The following STRN3 variants were observed in gnomAD, a reference collection of about 807,000 sequenced individuals.
STRN3 encodes the protein striatin 3, also known as striatin-3.
Under a neutral mutation model 95.6 loss-of-function variants are expected in STRN3, and 29 were observed. The ratio of observed to expected loss-of-function variants is 0.30; its 90% confidence interval spans 0.23 to 0.41. The LOEUF is 0.41. Ranked by LOEUF, STRN3 falls within the 10% of genes least tolerant of loss-of-function variation. STRN3 has a pLI of 1.00. For missense variants in STRN3, 890 were observed against 972.1 expected (o/e 0.92, Z 1.12); for synonymous variants, 331 against 357.6 (o/e 0.93, Z 0.84).
intron 1 of STRN3, among the ~76,000 whole-genome samples, chr14:30,971,806 C>G (rs1441712227): frequency 6.6e-6 from 1 of 152,068 alleles, no homozygotes; most frequent in Admixed American, 6.6e-5. Context: ...GGAATAATAG[C>G]CTCAATTCTT....
intron 5 of STRN3, among the ~76,000 whole-genome samples, chr14:30,940,068 A>G (rs1469551564): frequency 1.3e-5 from 2 of 151,844 alleles, no homozygotes; most frequent in African/African-American, 4.8e-5. Context: ...GGATGTTACC[A>G]CTATTCTCCT....
At chr14:30,952,512 A>C (rs1879696425) in intron 3 of STRN3, among the ~76,000 whole-genome samples, 2 of 152,002 alleles carry the variant, frequency 1.3e-5, no homozygotes, top group Admixed American at 1.3e-4. Context: ...CCAGCCTGGG[A>C]AACATGTCAA....
chr14:30,965,784 A>C (rs1389416350), intron 1 of STRN3, among the ~76,000 whole-genome samples: 1 of 151,886 alleles, frequency 6.6e-6, no homozygotes, highest in Non-Finnish European at 1.5e-5. Flanking sequence ...AAAAAAAAAA[A>C]AAAAACAACA....
At chr14:31,010,657 T>A (rs1882928963) in intron 1 of STRN3, among the ~76,000 whole-genome samples, 1 of 152,082 alleles carries the variant, frequency 6.6e-6, no homozygotes, top group South Asian at 2.1e-4. Context: ...CATTGCATAG[T>A]CATTAAACAT....
At chr14:30,906,424 A>G (rs1321416707) in intron 14 of STRN3, among the ~76,000 whole-genome samples, 1 of 152,240 alleles carries the variant, frequency 6.6e-6, no homozygotes, top group East Asian at 1.9e-4. Flanking sequence ...AAATATTTAA[A>G]ATCATGAAAA....
intron 5 of STRN3, among the ~76,000 whole-genome samples, chr14:30,942,265 C>T (rs1292166736): frequency 1.3e-5 from 2 of 151,998 alleles, no homozygotes; most frequent in East Asian, 3.9e-4. Context: ...CTTCACTGTC[C>T]TTTAGCAAAA....
chr14:30,898,252 C>T (rs1896210264), intron 16 of STRN3, among the ~76,000 whole-genome samples: 1 of 152,164 alleles, frequency 6.6e-6, no homozygotes, highest in Admixed American at 6.5e-5. Flanking sequence ...GCTGGGTTTA[C>T]AGGCATGACC....
chr14:30,955,790 G>A, intron 2 of STRN3, 97 bp from the exon 3 acceptor site: 2 of 1,004,614 alleles, frequency 2.0e-6, no homozygotes, highest in South Asian at 1.8e-5. Flanking sequence ...ATGAATGTCT[G>A]CTTCTTTAAA....
intron 1 of STRN3, among the ~76,000 whole-genome samples, chr14:30,961,769 A>AT (rs912600886): frequency 9.2e-5 from 14 of 152,286 alleles, no homozygotes; most frequent in Middle Eastern, 3.4e-3. Flanking sequence ...AGCCAGGCTA[A>AT]TTTTTTAAAA....
At chr14:30,996,476 CT>C (rs1882202278) in intron 1 of STRN3, among the ~76,000 whole-genome samples, 1 of 152,134 alleles carries the variant, frequency 6.6e-6, no homozygotes, top group Non-Finnish European at 1.5e-5. Flanking sequence ...TTTGTTGTTA[CT>C]GTTTTACGAC....
At chr14:30,911,393 C>T (rs1896605339) in intron 12 of STRN3, among the ~76,000 whole-genome samples, 1 of 151,344 alleles carries the variant, frequency 6.6e-6, no homozygotes, top group South Asian at 2.1e-4. Flanking sequence ...CCTCCACCTC[C>T]CAGGTTCGAG....
intron 1 of STRN3, chr14:31,018,687 T>C (rs1883360361): frequency 6.5e-6 from 3 of 460,224 alleles, no homozygotes; most frequent in South Asian, 1.7e-5. Flanking sequence ...GGTGGTTTAA[T>C]TGAGCTTGTT....
At chr14:30,947,820 G>C (rs531480581) in intron 4 of STRN3, among the ~76,000 whole-genome samples, 1 of 152,038 alleles carries the variant, frequency 6.6e-6, no homozygotes, top group Non-Finnish European at 1.5e-5. Flanking sequence ...CTAAACTAAG[G>C]AACTTAACCT....
At chr14:30,991,063 A>G (rs574168638) in intron 1 of STRN3, among the ~76,000 whole-genome samples, 1 of 152,360 alleles carries the variant, frequency 6.6e-6, no homozygotes, top group Admixed American at 6.5e-5. Flanking sequence ...AAGAGAAGAT[A>G]CAGTCTAATC....
At chr14:30,919,302 GGAGA>G (rs745610046) in intron 8 of STRN3, among the ~76,000 whole-genome samples, 196 bp from the exon 9 acceptor site, 4 of 151,466 alleles carry the variant, frequency 2.6e-5, no homozygotes, top group Non-Finnish European at 5.9e-5. Flanking sequence ...CTATTTCTGT[GGAGA>G]GAGAGATATA....
intron 1 of STRN3, among the ~76,000 whole-genome samples, chr14:30,957,422 C>T (rs1225984172): frequency 7.2e-6 from 1 of 139,478 alleles, no homozygotes; most frequent in Admixed American, 7.8e-5. Flanking sequence ...CACTGCACTC[C>T]AGCCTAGGCG....
intron 5 of STRN3, among the ~76,000 whole-genome samples, chr14:30,939,077 C>A (rs1170898308): frequency 6.6e-6 from 1 of 152,124 alleles, no homozygotes; most frequent in South Asian, 2.1e-4. Flanking sequence ...GCCCAAGTCC[C>A]ACAAGGGTGG....
chr14:30,998,874 G>A (rs190944692), intron 1 of STRN3, among the ~76,000 whole-genome samples: 1 of 152,312 alleles, frequency 6.6e-6, no homozygotes, highest in Admixed American at 6.5e-5. Flanking sequence ...TCAGGAGGCT[G>A]AGGCAAGAGG....
At chr14:30,967,492 C>T (rs144322687) in intron 1 of STRN3, among the ~76,000 whole-genome samples, 2,493 of 152,266 alleles carry the variant, frequency 0.016, 131 homozygotes, top group Admixed American at 0.1. Flanking sequence ...ACTCCAATAC[C>T]ATCTCGCTGT....
Sources: allele counts gnomAD v4.1 joint callset (sites outside exome capture counted in the v4.1 genomes callset), GRCh38; gene constraint gnomAD v4.1.1; transcripts MANE v1.5; gene names NCBI Gene and HGNC (gene_info 2026-07-23, HGNC 2026-07-21).